The following MSRA variants were observed in gnomAD, a reference collection of about 807,000 sequenced individuals.
MSRA encodes the protein mitochondrial peptide methionine sulfoxide reductase.
A neutral mutation model predicts 31.3 loss-of-function variants in MSRA; 54 were observed. That is an observed-to-expected ratio of 1.73 (90% CI 1.39 to 2.17). The LOEUF (loss-of-function observed/expected upper bound fraction) is 2.17. MSRA is among the 30% of genes most tolerant of loss of function. MSRA has a pLI of 0.00. For synonymous variants in MSRA, 169 were observed against 116.5 expected, an observed-to-expected ratio of 1.45 and a Z score of -2.90; for missense variants, 507 against 300.9, an observed-to-expected ratio of 1.69 and a Z score of -5.07.
At chr8:10,178,623 TA>T (rs1389408182) in intron 1 of MSRA, among the ~76,000 whole-genome samples, 1 of 152,196 alleles carries the variant, frequency 6.6e-6, no homozygotes. Flanking sequence ...ACTGAAAGCA[TA>T]GATTGACTTT....
chr8:10,088,355 TCATTACCTTGTAAAGATGTCTG>T (rs1323288644), intron 1 of MSRA, among the ~76,000 whole-genome samples: 2 of 152,120 alleles, frequency 1.3e-5, no homozygotes, highest in Non-Finnish European at 2.9e-5. Flanking sequence ...GGAGATGAAA[TCATTACCTTGTAAAGATGTCTG>T]CACTCCAATG....
intron 3 of MSRA, among the ~76,000 whole-genome samples, chr8:10,279,091 C>T (rs1179990646): frequency 3.9e-5 from 6 of 152,132 alleles, no homozygotes; most frequent in Admixed American, 3.9e-4. Flanking sequence ...TTGTTTCCTA[C>T]CATAATTTTT....
rs1801952632 is a variant in MSRA, at chr8:10,319,948, C to G, written c.502C>G (p.Gln168Glu). The G allele has an allele frequency of 5.0e-6, 8 of 1,602,098 alleles. No homozygotes were observed. Among genetic ancestry groups the G allele is most frequent in the Non-Finnish European group, 6.8e-6 (8 of 1,174,530 alleles). The stretch of plus-strand genomic sequence containing the variant: ...GGCCATCTACCCGACCTCTGCCAAG[C>G]AAATGGAGGCAGCCCTGAGCTCCAA... ...RSAIYPTSAK[Q>E]MEAALSSKEN... The change falls in exon 5 of 6, where the codon CAA (glutamine) becomes GAA (glutamate). Residue 168 changes from glutamine (Q) to glutamate (E), a missense_variant. Coordinates refer to ENST00000317173, the MANE Select transcript of MSRA (RefSeq NM_012331.5).
intron 1 of MSRA, among the ~76,000 whole-genome samples, chr8:10,194,149 C>T (rs551317576): frequency 6.6e-6 from 1 of 152,268 alleles, no homozygotes; most frequent in South Asian, 2.1e-4. Flanking sequence ...GTCTCACTCT[C>T]CCCCTCTCTC....
At chr8:10,122,819 G>C (rs2129018871) in intron 1 of MSRA, among the ~76,000 whole-genome samples, 1 of 152,278 alleles carries the variant, frequency 6.6e-6, no homozygotes, top group Middle Eastern at 3.4e-3. Flanking sequence ...AGTTTGCTAA[G>C]GATAATATCC....
intron 2 of MSRA, among the ~76,000 whole-genome samples, chr8:10,209,891 G>A (rs1005368500): frequency 9.9e-5 from 15 of 152,210 alleles, no homozygotes; most frequent in African/African-American, 3.4e-4. Flanking sequence ...TTCTACAGAT[G>A]ATAAAGTAGA....
At position 10,150,344 on chromosome 8, in the gene MSRA, G is replaced by C. The variant is rs543999597; in HGVS notation, c.143-57489G>C. Among the ~76,000 whole-genome samples the C allele has an allele frequency of 7.9e-5, 12 of 152,204 alleles. No homozygotes were observed. In the East Asian group the frequency reaches 2.1e-3, roughly 27 times the overall value. On this transcript the variant is annotated intron_variant, in intron 1 of 5. Transcript: ENST00000317173. ...GAGAGAAAATCAGTCTGTCATATTTGTACAAATATGTGCACTTCGATGATA... is the reference window on the plus strand; with the variant it reads ...GAGAGAAAATCAGTCTGTCATATTTCTACAAATATGTGCACTTCGATGATA...
intron 2 of MSRA, among the ~76,000 whole-genome samples, chr8:10,238,761 C>G (rs1037589940): frequency 6.6e-6 from 1 of 152,072 alleles, no homozygotes; most frequent in Non-Finnish European, 1.5e-5. Context: ...AAAATTATTT[C>G]CATATGGTCT....
intron 2 of MSRA, among the ~76,000 whole-genome samples, chr8:10,216,158 T>C (rs1361178403): frequency 6.6e-6 from 1 of 152,220 alleles, no homozygotes; most frequent in Admixed American, 6.5e-5. Context: ...CCCAGCCATT[T>C]ATCTTGGGAC....
chr8:10,120,506 C>G (rs1303298909), intron 1 of MSRA, among the ~76,000 whole-genome samples: 4 of 152,166 alleles, frequency 2.6e-5, no homozygotes, highest in Non-Finnish European at 2.9e-5. Context: ...AAATACTAAG[C>G]TAAAATGTTT....
chr8:10,283,160 A>ACACTCTCTCTCTCTCTCTCTCTCTCTCT, intron 3 of MSRA, among the ~76,000 whole-genome samples: 3 of 140,232 alleles, frequency 2.1e-5, no homozygotes, highest in Admixed American at 7.1e-5. Context: ...ACACACACAC[A>ACACTCTCTCTCTCTCTCTCTCTCTCTCT]CTCTCACCCT....
At chr8:10,125,084 G>T (rs1054201490) in intron 1 of MSRA, among the ~76,000 whole-genome samples, 1 of 152,202 alleles carries the variant, frequency 6.6e-6, no homozygotes, top group Non-Finnish European at 1.5e-5. Context: ...TGTCATTAGC[G>T]ATTCCGCAAG....
chr8:10,154,269 A>T (rs1184204779), intron 1 of MSRA, among the ~76,000 whole-genome samples: 1 of 143,090 alleles, frequency 7.0e-6, no homozygotes, highest in Non-Finnish European at 1.5e-5. Flanking sequence ...GTTCTTACCA[A>T]GGTTACGGCA....
intron 1 of MSRA, among the ~76,000 whole-genome samples, chr8:10,056,930 G>A (rs1384723222): frequency 6.6e-6 from 1 of 152,174 alleles, no homozygotes; most frequent in Middle Eastern, 3.2e-3. Flanking sequence ...AGTGCGTTTA[G>A]ATAAGCCTAG....
intron 5 of MSRA, among the ~76,000 whole-genome samples, chr8:10,341,212 T>C (rs1295106126): frequency 6.6e-6 from 1 of 152,236 alleles, no homozygotes; most frequent in East Asian, 1.9e-4. Flanking sequence ...TTTAATTGGC[T>C]CATGATTCTG....
intron 1 of MSRA, among the ~76,000 whole-genome samples, chr8:10,090,650 T>C (rs190695333): frequency 1.3e-5 from 2 of 152,346 alleles, no homozygotes; most frequent in Admixed American, 1.3e-4. Flanking sequence ...TTTGGTTCAC[T>C]CCAAAAGGAA....
chr8:10,401,600 T>G (rs1807468354), intron 5 of MSRA, among the ~76,000 whole-genome samples: 1 of 152,180 alleles, frequency 6.6e-6, no homozygotes. Flanking sequence ...GATTCAAACC[T>G]GTACACCTGT....
intron 1 of MSRA, among the ~76,000 whole-genome samples, chr8:10,068,377 A>G (rs993168405): frequency 3.9e-5 from 6 of 152,164 alleles, no homozygotes; most frequent in African/African-American, 1.2e-4. Flanking sequence ...TCGTGTATCT[A>G]AAAAGTTATT....
chr8:10,073,142 C>G (rs1342929036), intron 1 of MSRA, among the ~76,000 whole-genome samples: 1 of 152,002 alleles, frequency 6.6e-6, no homozygotes, highest in East Asian at 1.9e-4. Flanking sequence ...GGATATTTCC[C>G]TAGCCTTAAA....
Sources: gnomAD v4.1 joint callset for allele counts (sites outside exome capture counted in the v4.1 genomes callset) on GRCh38, gnomAD v4.1.1 for gene constraint, MANE v1.5 for transcripts, NCBI Gene and HGNC (gene_info 2026-07-23, HGNC 2026-07-21) for gene names.